The following ADGRF5 variants were observed in gnomAD, a reference collection of about 807,000 sequenced individuals.
ADGRF5 encodes the protein adhesion G protein-coupled receptor F5.
In ADGRF5, 75 loss-of-function variants were observed where a neutral mutation model predicts 132.3. The observed-to-expected ratio is 0.57, with a 90% CI of 0.47 to 0.69. ADGRF5 has a LOEUF of 0.69. Among genes scored for constraint, ADGRF5 ranks in the 30% least tolerant of loss-of-function variants. ADGRF5 has a pLI of 0.00. For synonymous variants in ADGRF5, 629 were observed against 597.6 expected, an observed-to-expected ratio of 1.05 and a Z score of -0.77; for missense variants, 1,516 against 1,630.6, an observed-to-expected ratio of 0.93 and a Z score of 1.21.
At chr6:46,900,556 T>C (rs1581918133) in intron 2 of ADGRF5, among the ~76,000 whole-genome samples, 1 of 152,266 alleles carries the variant, frequency 6.6e-6, no homozygotes, top group East Asian at 1.9e-4. Flanking sequence ...TTAGAAATTA[T>C]TTTTTCTACA....
chr6:46,890,164 C>T (rs916664747), intron 3 of ADGRF5, among the ~76,000 whole-genome samples: 4 of 152,038 alleles, frequency 2.6e-5, no homozygotes, highest in African/African-American at 9.7e-5. Flanking sequence ...ACGACCTTGG[C>T]TCACTGTGAC....
At chr6:46,935,683 C>T (rs924310917) in intron 1 of ADGRF5, among the ~76,000 whole-genome samples, 6 of 152,206 alleles carry the variant, frequency 3.9e-5, no homozygotes, top group African/African-American at 1.4e-4. Flanking sequence ...TTCTCCTTTT[C>T]CCCAAGTCCC....
intron 4 of ADGRF5, among the ~76,000 whole-genome samples, chr6:46,885,846 C>T (rs1023630134): frequency 6.6e-6 from 1 of 152,214 alleles, no homozygotes; most frequent in African/African-American, 2.4e-5. Context: ...AGTACCAACA[C>T]TCATCAATAC....
At chr6:46,939,387 G>T (rs1019121502) in intron 1 of ADGRF5, among the ~76,000 whole-genome samples, 1 of 152,178 alleles carries the variant, frequency 6.6e-6, no homozygotes, top group African/African-American at 2.4e-5. Context: ...GAGGGCACTG[G>T]TTTGAGAAGA....
At chr6:46,911,046 T>C (rs1242358872) in intron 1 of ADGRF5, among the ~76,000 whole-genome samples, 2 of 152,222 alleles carry the variant, frequency 1.3e-5, no homozygotes, top group African/African-American at 4.8e-5. Context: ...TCTGACTTAC[T>C]ACACAGTCTA....
intron 4 of ADGRF5, among the ~76,000 whole-genome samples, chr6:46,886,172 T>G (rs1174154977): frequency 1.3e-5 from 2 of 152,202 alleles, no homozygotes; most frequent in Non-Finnish European, 2.9e-5. Flanking sequence ...CCAGGCAAAG[T>G]CCCACAGAGT....
At chr6:46,854,738 G>A (rs764450873) in intron 20 of ADGRF5, 21 of 1,286,748 alleles carry the variant, frequency 1.6e-5, no homozygotes, top group Middle Eastern at 3.3e-4. Flanking sequence ...AACTGCCACC[G>A]CTAACAAGGT....
At chr6:46,860,019 T>C (rs994142524) in intron 16 of ADGRF5, among the ~76,000 whole-genome samples, 7 of 152,038 alleles carry the variant, frequency 4.6e-5, no homozygotes, top group African/African-American at 1.4e-4. Flanking sequence ...GAAGTGGAGA[T>C]ACATCTTTCC....
chr6:46,940,771 C>A (rs1172782987), intron 1 of ADGRF5, among the ~76,000 whole-genome samples: 6 of 152,162 alleles, frequency 3.9e-5, no homozygotes, highest in African/African-American at 1.4e-4. Context: ...TATTTTGACC[C>A]CTTACAGACA....
chr6:46,859,192 G>A lies in ADGRF5; in HGVS notation c.2711C>T (p.Thr904Ile). Reference sequence around the variant, plus strand: ...ATCCTGGGCAAGGATGGCTTGGAGAGTTGGGAAAGCCATGGTGACAATAGA... The same window carrying A: ...ATCCTGGGCAAGGATGGCTTGGAGAATTGGGAAAGCCATGGTGACAATAGA... ...DSSIVTMAFP[T>I]LQAILAQDIQ... is the part of the protein sequence containing the mutation. Residue 904 changes from threonine to isoleucine, a missense_variant, in exon 17 of 21, where the codon ACT (threonine) becomes ATT (isoleucine). Physicochemically the swap from Thr to Ile is moderately conservative, Grantham distance 89. This residue lies in a region of ADGRF5 where 571 missense variants were observed against 701.2 expected (regional missense o/e 0.81). Coordinates refer to ENST00000283296, the MANE Select transcript of ADGRF5 (RefSeq NM_001098518.2). 3 of 1,613,942 alleles carry A rather than the reference G, an allele frequency of 1.9e-6. No individual in the cohort carries two copies. Among genetic ancestry groups the A allele is most frequent in the Non-Finnish European group, 2.5e-6 (3 of 1,179,772 alleles).
intron 1 of ADGRF5, among the ~76,000 whole-genome samples, chr6:46,917,440 T>G (rs1776518378): frequency 6.6e-6 from 1 of 152,198 alleles, no homozygotes; most frequent in African/African-American, 2.4e-5. Context: ...AGATGGAATC[T>G]TAACGTGCCT....
intron 1 of ADGRF5, among the ~76,000 whole-genome samples, chr6:46,953,689 A>ATATATC (rs1324351989): frequency 1.5e-5 from 2 of 132,954 alleles, no homozygotes; most frequent in African/African-American, 2.7e-5. Context: ...ATATATATAT[A>ATATATC]TCTCACTGAC....
intron 1 of ADGRF5, among the ~76,000 whole-genome samples, chr6:46,946,286 G>A (rs1778299934): frequency 6.6e-6 from 1 of 152,178 alleles, no homozygotes; most frequent in Non-Finnish European, 1.5e-5. Flanking sequence ...GACAAGACTA[G>A]AGGAAGTGGA....
At chr6:46,948,479 T>C (rs1189427320) in intron 1 of ADGRF5, among the ~76,000 whole-genome samples, 1 of 52,042 alleles carries the variant, frequency 1.9e-5, no homozygotes, top group Non-Finnish European at 3.5e-5. Context: ...CTAGTGAGTG[T>C]GTGTGTGTGT....
At chr6:46,934,157 CCT>C (rs1412719847) in intron 1 of ADGRF5, among the ~76,000 whole-genome samples, 12 of 152,056 alleles carry the variant, frequency 7.9e-5, no homozygotes, top group Non-Finnish European at 1.3e-4. Flanking sequence ...ACCTCTTGCC[CCT>C]GAGTCACCCG....
intron 3 of ADGRF5, among the ~76,000 whole-genome samples, chr6:46,889,326 T>A (rs1773394079): frequency 1.4e-5 from 2 of 146,946 alleles, no homozygotes. Flanking sequence ...ATATAGTATA[T>A]ATAGTCTATA....
chr6:46,949,735 G>A (rs746803626), intron 1 of ADGRF5, among the ~76,000 whole-genome samples: 4 of 152,178 alleles, frequency 2.6e-5, no homozygotes, highest in Non-Finnish European at 1.5e-5. Flanking sequence ...GAGTCTTGCT[G>A]TTATTTGCCT....
rs780900452 is a variant in ADGRF5, at chr6:46,860,834, T to C, written c.2260A>G (p.Ile754Val). 2.3e-5 allele frequency: 37 copies of C among 1,613,774 alleles called. No homozygotes were observed. The highest frequency in any genetic ancestry group is 3.0e-5 in the Non-Finnish European group (35 of 1,179,838). The change falls in exon 16 of 21, where the codon ATT (isoleucine) becomes GTT (valine). Residue 754 changes from isoleucine to valine, a missense_variant. Ile to Val is a conservative substitution (Grantham distance 29). Coordinates refer to ENST00000283296, the MANE Select transcript of ADGRF5 (RefSeq NM_001098518.2). Reference protein sequence around the residue: ...MLPTYLKDLSISIDKAEHEIS... With the variant: ...MLPTYLKDLSVSIDKAEHEIS... ...TCATGTTCCGCTTTGTCTATGCTAATAGAAAGATCCTTCAGGTATGTAGGG... is the reference window on the plus strand; with the variant it reads ...TCATGTTCCGCTTTGTCTATGCTAACAGAAAGATCCTTCAGGTATGTAGGG...
chr6:46,953,651 G>GGATATATA (rs1778588834), intron 1 of ADGRF5, among the ~76,000 whole-genome samples: 1 of 42,196 alleles, frequency 2.4e-5, no homozygotes, highest in African/African-American at 7.0e-5. Context: ...AGATATATGT[G>GGATATATA]TATATATATA....
Sources: gnomAD v4.1 joint callset for allele counts (sites outside exome capture counted in the v4.1 genomes callset) on GRCh38, gnomAD v4.1.1 for gene constraint, gnomAD v4.1.1 regional missense constraint, MANE v1.5 for transcripts, NCBI Gene and HGNC (gene_info 2026-07-23, HGNC 2026-07-21) for gene names.